The following ESYT3 variants were observed in gnomAD, a reference collection of about 807,000 sequenced individuals.
ESYT3 encodes the protein extended synaptotagmin-3.
A neutral mutation model predicts 111.5 loss-of-function variants in ESYT3; 101 were observed. The ratio of observed to expected loss-of-function variants is 0.91; its 90% confidence interval spans 0.77 to 1.07. The LOEUF (loss-of-function observed/expected upper bound fraction) is 1.07, where lower values mean the gene tolerates loss of function less well. Ranked by LOEUF, ESYT3 falls within the 50% of genes least tolerant of loss-of-function variation. The pLI, the probability that ESYT3 is intolerant of heterozygous loss-of-function variation, is 0.00. For synonymous variants in ESYT3, 416 were observed against 446.8 expected (o/e 0.93, Z 0.87); for missense variants, 1,097 against 1,109.4 (o/e 0.99, Z 0.16).
intron 1 of ESYT3, among the ~76,000 whole-genome samples, chr3:138,446,881 A>C (rs1428244513): frequency 6.6e-6 from 1 of 152,088 alleles, no homozygotes; most frequent in Admixed American, 6.5e-5. Context: ...ACAAACAAAC[A>C]AACAATAGTC....
chr3:138,480,973 G>C (rs2033677742), downstream of ESYT3: 1 of 152,176 alleles, frequency 6.6e-6, no homozygotes, highest in Non-Finnish European at 1.5e-5. Context: ...GTAGCACTGT[G>C]AACAAAGGGA....
Position 138,479,157 on chromosome 3 carries a change from C to T in ESYT3, c.*2303C>T, listed in dbSNP as rs928638077. On this transcript the variant is annotated 3_prime_UTR_variant, in exon 23 of 23. Coordinates refer to ENST00000389567, the MANE Select transcript of ESYT3 (RefSeq NM_031913.5). Reference sequence around the variant, plus strand: ...AAAATAGCCATAGATAATATTTCAGCCAGAAGGAAAATGTACCAGTAAGGC... The same window carrying T: ...AAAATAGCCATAGATAATATTTCAGTCAGAAGGAAAATGTACCAGTAAGGC... 1 of 152,102 alleles carries T rather than the reference C, an allele frequency of 6.6e-6. No individual in the cohort carries two copies. The highest frequency in any genetic ancestry group is 2.4e-5 in the African/African-American group (1 of 41,402). The allele number at this position is 152,102 out of a possible 1,614,324, so 9.4% of individuals were successfully genotyped here. A position where few individuals can be genotyped will look rare whatever the true frequency, so the allele number is the denominator to read the frequency against.
chr3:138,460,498 C>G, intron 6 of ESYT3, 113 bp from the exon 7 acceptor site: 1 of 1,187,506 alleles, frequency 8.4e-7, no homozygotes, highest in South Asian at 1.2e-5. Context: ...TCCGAACCCC[C>G]ACCCTGGAAG....
intron 16 of ESYT3, chr3:138,470,647 GACT>G: frequency 7.7e-7 from 1 of 1,304,962 alleles, no homozygotes; most frequent in Middle Eastern, 3.0e-4. Context: ...GCATTTGACA[GACT>G]AGCTCATACA....
intron 16 of ESYT3, 132 bp from the exon 17 acceptor site, chr3:138,470,745 A>C: frequency 6.6e-7 from 1 of 1,517,066 alleles, no homozygotes; most frequent in Non-Finnish European, 8.8e-7. Context: ...TCTAGTTTTC[A>C]GAATAGGACC....
At chr3:138,452,016 A>C in intron 1 of ESYT3, 32 bp from the exon 2 acceptor site, 2 of 1,613,040 alleles carry the variant, frequency 1.2e-6, no homozygotes, top group Non-Finnish European at 1.7e-6. Flanking sequence ...TGCGGCTTCT[A>C]GTCTAACTTC....
At chr3:138,460,844 G>A (rs1176908827) in intron 7 of ESYT3, among the ~76,000 whole-genome samples, 178 bp downstream of exon 7, 1 of 152,104 alleles carries the variant, frequency 6.6e-6, no homozygotes, top group East Asian at 1.9e-4. Context: ...TCTGTGGGTG[G>A]GCACTGTGCC....
chr3:138,456,951 C>T (rs1448381474), intron 3 of ESYT3, among the ~76,000 whole-genome samples: 2 of 152,088 alleles, frequency 1.3e-5, no homozygotes, highest in Non-Finnish European at 2.9e-5. Flanking sequence ...ACACCTGCCT[C>T]CTGATCCTGG....
rs577128726 is a variant in ESYT3, at chr3:138,451,579, T to C, written c.328-469T>C. On this transcript the variant is annotated intron_variant, in intron 1 of 22. Transcript: ENST00000389567. The stretch of plus-strand genomic sequence containing the variant: ...GTTTCCAGGTTGGGGGTCCTGTGCT[T>C]CCCCAGGAGTGGGGATTTACTTGCG... Among the ~76,000 whole-genome samples, 101 of 152,336 alleles carry C rather than the reference T, an allele frequency of 6.6e-4. 1 individual carries two copies. The highest frequency in any genetic ancestry group is 6.4e-3 in the Admixed American group (98 of 15,298).
chr3:138,453,160 A>G lies in ESYT3; in HGVS notation c.369+1071A>G, dbSNP rs368874428. On this transcript the variant is annotated intron_variant, in intron 2 of 22. Coordinates refer to ENST00000389567, the MANE Select transcript of ESYT3 (RefSeq NM_031913.5). ...GGAGTGACTGGGTTTCTGGGGATTC[A>G]TGCAGGACCCAGCGCCTCTGGGCAA... Among the ~76,000 whole-genome samples the G allele has an allele frequency of 4.4e-3, 675 of 152,310 alleles. 6 individuals carry two copies. The highest frequency in any genetic ancestry group is 0.016 in the African/African-American group (659 of 41,582).
intron 10 of ESYT3, among the ~76,000 whole-genome samples, chr3:138,466,038 CAAACT>C (rs1246346369): frequency 6.6e-6 from 1 of 152,200 alleles, no homozygotes; most frequent in Non-Finnish European, 1.5e-5. Flanking sequence ...TTTCCATTGC[CAAACT>C]ACAGAATATT....
chr3:138,451,429 T>G (rs1454327726), intron 1 of ESYT3, among the ~76,000 whole-genome samples: 1 of 152,144 alleles, frequency 6.6e-6, no homozygotes, highest in Non-Finnish European at 1.5e-5. Context: ...TCCCTAATAT[T>G]TTTTCTTTTT....
chr3:138,466,765 G>A (rs2032948958), intron 10 of ESYT3, among the ~76,000 whole-genome samples: 2 of 152,162 alleles, frequency 1.3e-5, no homozygotes, highest in South Asian at 4.1e-4. Flanking sequence ...AGAAAAGAGA[G>A]TTTTCTGGCT....
rs1323522503 is a variant in ESYT3 at position 138,479,173 on chromosome 3, C to G, written c.*2319C>G. ...ATATTTCAGCCAGAAGGAAAATGTA[C>G]CAGTAAGGCAGAAATAGCATGTGAG... On this transcript the variant is annotated 3_prime_UTR_variant, in exon 23 of 23. Transcript: ENST00000389567. The G allele has an allele frequency of 6.6e-6, 1 of 152,042 alleles. No individual in the cohort carries two copies. The highest frequency in any genetic ancestry group is 1.5e-5 in the Non-Finnish European group (1 of 68,006). The allele number at this position is 152,042 out of a possible 1,614,324, so 9.4% of individuals were successfully genotyped here. A position where few individuals can be genotyped will look rare whatever the true frequency, so the allele number is the denominator to read the frequency against.
At chr3:138,468,416 T>C (rs977308476) in intron 12 of ESYT3, among the ~76,000 whole-genome samples, 2 of 152,172 alleles carry the variant, frequency 1.3e-5, no homozygotes, top group African/African-American at 4.8e-5. Context: ...CTTAGAACTC[T>C]GTGTCAATGC....
At position 138,468,277 on chromosome 3, in the gene ESYT3, G is replaced by A. The variant is rs552964384; in HGVS notation, c.1308+83G>A. On this transcript the variant is annotated intron_variant, in intron 12 of 22. Transcript: ENST00000389567. The stretch of plus-strand genomic sequence containing the variant: ...GTGTGTGCAGGTGGAGGAAGGGTGG[G>A]AGATGATGCCCCCTTCTTGCTCACC... The A allele has an allele frequency of 8.4e-5, 109 of 1,290,724 alleles. No individual in the cohort carries two copies. In the South Asian group the frequency reaches 1.2e-3, roughly 15 times the overall value. The allele number at this position is 1,290,724 out of a possible 1,614,324, so 80.0% of individuals were successfully genotyped here. A position where few individuals can be genotyped will look rare whatever the true frequency, so the allele number is the denominator to read the frequency against.
Position 138,478,319 on chromosome 3 carries a change from GTTAA to G in ESYT3, c.*1466_*1469del, listed in dbSNP as rs2033578807. ...TTTCACCCTCACCATCCAAGACCGT[GTTAA>G]GTACATAGAAGATGCATGGTGAAAT... On this transcript the variant is annotated 3_prime_UTR_variant, in exon 23 of 23. Transcript: ENST00000389567. The G allele has an allele frequency of 2.0e-5, 3 of 152,242 alleles. No homozygotes were observed. The highest frequency in any genetic ancestry group is 2.0e-4 in the Admixed American group (3 of 15,294). The allele number at this position is 152,242 out of a possible 1,614,324, so 9.4% of individuals were successfully genotyped here.
intron 14 of ESYT3, 97 bp from the exon 15 acceptor site, chr3:138,469,339 C>T: frequency 9.5e-7 from 1 of 1,056,908 alleles, no homozygotes; most frequent in Non-Finnish European, 1.4e-6. Flanking sequence ...CTGGGTGGCC[C>T]CAGTTCCCCC....
intron 5 of ESYT3, among the ~76,000 whole-genome samples, chr3:138,459,609 G>T (rs2032506068): frequency 6.6e-6 from 1 of 152,226 alleles, no homozygotes; most frequent in African/African-American, 2.4e-5. Flanking sequence ...AGGAGTAGAA[G>T]AGCTGATTTG....
Sources: gnomAD v4.1 joint callset for allele counts (sites outside exome capture counted in the v4.1 genomes callset) on GRCh38, gnomAD v4.1.1 for gene constraint, MANE v1.5 for transcripts, NCBI Gene and HGNC (gene_info 2026-07-23, HGNC 2026-07-21) for gene names.